Variants in PPARGC1A observed in about 807,000 individuals in gnomAD.
PPARGC1A encodes the protein peroxisome proliferator-activated receptor gamma coactivator 1-alpha.
Under a neutral mutation model 88.7 loss-of-function variants are expected in PPARGC1A, and 25 were observed. That is an observed-to-expected ratio of 0.28 (90% CI 0.21 to 0.39). The LOEUF is 0.39. Ranked by LOEUF, PPARGC1A falls within the 10% of genes least tolerant of loss-of-function variation. The pLI is 1.00. For missense variants in PPARGC1A, 880 were observed against 968.7 expected (o/e 0.91, Z 1.22); for synonymous variants, 363 against 355.6 (o/e 1.02, Z -0.24).
chr4:24,310,677 A>T, the PPARGC1A span, among the ~76,000 whole-genome samples: 4 of 152,158 alleles, frequency 2.6e-5, no homozygotes, highest in African/African-American at 9.7e-5. Context: ...GCCCACTAAA[A>T]CTGAGTTCAA....
chr4:24,430,144 A>G, the PPARGC1A span, among the ~76,000 whole-genome samples: 3 of 152,060 alleles, frequency 2.0e-5, no homozygotes, highest in East Asian at 5.8e-4. Context: ...AAAGACACAC[A>G]TTTTACATCA....
chr4:23,891,048 T>C (rs1717786991), upstream of PPARGC1A, among the ~76,000 whole-genome samples: 1 of 152,182 alleles, frequency 6.6e-6, no homozygotes, highest in South Asian at 2.1e-4. Flanking sequence ...ACCAACACAC[T>C]ATTAGCAGAA....
chr4:24,131,635 C>T, the PPARGC1A span, among the ~76,000 whole-genome samples: 51 of 152,276 alleles, frequency 3.3e-4, no homozygotes, highest in Non-Finnish European at 1.5e-5. Flanking sequence ...TTCCCTTCTG[C>T]AATTTATGTA....
At chr4:24,171,105 C>T in the PPARGC1A span, among the ~76,000 whole-genome samples, 1 of 152,068 alleles carries the variant, frequency 6.6e-6, no homozygotes, top group Non-Finnish European at 1.5e-5. Flanking sequence ...TTAAGCTTTC[C>T]CTGACCACCT....
the PPARGC1A span, among the ~76,000 whole-genome samples, chr4:24,299,529 T>C: frequency 4.0e-5 from 6 of 151,816 alleles, no homozygotes. Context: ...GTTAAGCGTC[T>C]CGTGCAGCCC....
chr4:24,462,969 T>C, the PPARGC1A span, among the ~76,000 whole-genome samples: 1 of 151,896 alleles, frequency 6.6e-6, no homozygotes, highest in Non-Finnish European at 1.5e-5. Context: ...CACAAGCACA[T>C]ACTTAGCAGG....
the PPARGC1A span, among the ~76,000 whole-genome samples, chr4:24,106,822 A>G: frequency 6.6e-6 from 1 of 152,204 alleles, no homozygotes; most frequent in Admixed American, 6.5e-5. Flanking sequence ...CAGCTGACCC[A>G]CCAGCTGGCT....
At chr4:24,200,655 C>CCAAAAAAAAAA in the PPARGC1A span, among the ~76,000 whole-genome samples, 1 of 88,316 alleles carries the variant, frequency 1.1e-5, no homozygotes, top group African/African-American at 3.5e-5. Context: ...ATTTATTAAG[C>CCAAAAAAAAAA]AAAAAAAAAA....
At chr4:24,281,500 C>T in the PPARGC1A span, among the ~76,000 whole-genome samples, 2 of 152,086 alleles carry the variant, frequency 1.3e-5, no homozygotes, top group Non-Finnish European at 2.9e-5. Flanking sequence ...AAGAACTCAC[C>T]GCAGAGAGAG....
the PPARGC1A span, among the ~76,000 whole-genome samples, chr4:24,369,899 G>GAA: frequency 1.3e-5 from 2 of 152,206 alleles, no homozygotes; most frequent in Non-Finnish European, 2.9e-5. Context: ...AGTGTGAGAT[G>GAA]ACTCCACCAG....
At chr4:24,433,931 C>T in the PPARGC1A span, among the ~76,000 whole-genome samples, 1,767 of 152,282 alleles carry the variant, frequency 0.012, 34 homozygotes, top group Admixed American at 0.044. Flanking sequence ...ACACCACAAG[C>T]CTCGCTGGCC....
the PPARGC1A span, among the ~76,000 whole-genome samples, chr4:24,443,146 C>T: frequency 6.6e-6 from 1 of 152,094 alleles, no homozygotes; most frequent in African/African-American, 2.4e-5. Flanking sequence ...TTAACCTGCA[C>T]AAATTATATA....
chr4:23,817,311 C>A (rs184250678), intron 7 of PPARGC1A, among the ~76,000 whole-genome samples: 19 of 152,122 alleles, frequency 1.2e-4, no homozygotes, highest in Admixed American at 3.9e-4. Flanking sequence ...GGAGTGGCGA[C>A]ACCTTGATTG....
chr4:23,986,698 A>G, the PPARGC1A span, among the ~76,000 whole-genome samples: 1 of 152,068 alleles, frequency 6.6e-6, no homozygotes, highest in Non-Finnish European at 1.5e-5. Context: ...GAAAAGTCAA[A>G]TTTGCCCTAG....
the PPARGC1A span, among the ~76,000 whole-genome samples, chr4:23,962,663 C>T: frequency 2.6e-5 from 4 of 152,200 alleles, no homozygotes; most frequent in Admixed American, 2.0e-4. Context: ...TGGCTTACTG[C>T]ATGAATTTGG....
At chr4:23,890,244 AAAAG>A (rs1271890273), upstream of PPARGC1A, 14 of 449,830 alleles carry the variant, frequency 3.1e-5, no homozygotes, top group South Asian at 1.0e-4. Flanking sequence ...AAAGAAAAAG[AAAAG>A]AAAGAAAGAA....
the PPARGC1A span, among the ~76,000 whole-genome samples, chr4:24,242,701 C>A: frequency 6.6e-6 from 1 of 152,130 alleles, no homozygotes; most frequent in East Asian, 1.9e-4. Flanking sequence ...AGATAAAGAC[C>A]AAAATCTACA....
At chr4:23,946,455 G>A in the PPARGC1A span, among the ~76,000 whole-genome samples, 1 of 152,060 alleles carries the variant, frequency 6.6e-6, no homozygotes, top group Non-Finnish European at 1.5e-5. Flanking sequence ...ATTCAGAGTG[G>A]CTTCCGCTTG....
At chr4:24,356,047 A>G in the PPARGC1A span, among the ~76,000 whole-genome samples, 1 of 152,146 alleles carries the variant, frequency 6.6e-6, no homozygotes, top group East Asian at 1.9e-4. Flanking sequence ...AAATATAAAC[A>G]TTAGCCAGGC....
Sources: gnomAD v4.1 joint callset for allele counts (sites outside exome capture counted in the v4.1 genomes callset) on GRCh38, gnomAD v4.1.1 for gene constraint, MANE v1.5 for transcripts, NCBI Gene and HGNC (gene_info 2026-07-23, HGNC 2026-07-21) for gene names.